Variants in CCSER1 observed in about 807,000 individuals in gnomAD.
CCSER1 encodes serine-rich coiled-coil domain-containing protein 1.
Under a neutral mutation model 82.0 loss-of-function variants are expected in CCSER1, and 41 were observed. That is an observed-to-expected ratio of 0.50 (90% CI 0.39 to 0.65). CCSER1 has a LOEUF of 0.65. Among genes scored for constraint, CCSER1 ranks in the 30% least tolerant of loss-of-function variants. The pLI is 0.00. For missense variants in CCSER1, 1,119 were observed against 1,064.2 expected (o/e 1.05, Z -0.72); for synonymous variants, 414 against 383.9 (o/e 1.08, Z -0.92).
At chr4:90,297,563 T>C (rs879511594) in intron 1 of CCSER1, among the ~76,000 whole-genome samples, 5 of 148,002 alleles carry the variant, frequency 3.4e-5, no homozygotes, top group Non-Finnish European at 7.5e-5. Context: ...GGCATCCCTG[T>C]CTTGTGCCAG....
At chr4:90,892,829 C>T (rs537937172) in intron 8 of CCSER1, among the ~76,000 whole-genome samples, 6 of 152,188 alleles carry the variant, frequency 3.9e-5, no homozygotes, top group East Asian at 3.9e-4. Context: ...GTGTTCTCTT[C>T]ACCTCCCATT....
Position 90,648,015 on chromosome 4 carries a change from G to A in CCSER1, c.1932+19783G>A, listed in dbSNP as rs545121582. Among the ~76,000 whole-genome samples the A allele has an allele frequency of 1.7e-3, 256 of 152,100 alleles. 1 individual carries two copies. Among genetic ancestry groups the A allele is most frequent in the African/African-American group, 5.9e-3 (247 of 41,528 alleles). The stretch of plus-strand genomic sequence containing the variant: ...ATAATTTATACGATATTTTAATTGT[G>A]CCTCCATTTCTTAAGGGAACTTTTT... On this transcript the variant is annotated intron_variant, in intron 6 of 10. Transcript: ENST00000509176.
At chr4:91,024,361 T>C (rs1279974477) in intron 9 of CCSER1, among the ~76,000 whole-genome samples, 1 of 152,210 alleles carries the variant, frequency 6.6e-6, no homozygotes, top group African/African-American at 2.4e-5. Flanking sequence ...ATGTTTTTGC[T>C]TTTAAATTTT....
chr4:90,604,271 C>T (rs1321081516), intron 5 of CCSER1, among the ~76,000 whole-genome samples: 1 of 152,058 alleles, frequency 6.6e-6, no homozygotes, highest in Non-Finnish European at 1.5e-5. Context: ...GGTAAACATC[C>T]TTGAGCCTCC....
At chr4:91,340,533 A>C (rs560002192) in intron 10 of CCSER1, among the ~76,000 whole-genome samples, 1 of 152,248 alleles carries the variant, frequency 6.6e-6, no homozygotes, top group South Asian at 2.1e-4. Context: ...TTGTTAAGTA[A>C]TTAAGTCTTA....
chr4:91,085,957 A>T lies in CCSER1; in HGVS notation c.2180A>T (p.Asn727Ile). 6.6e-7 allele frequency: 1 copy of T among 1,523,742 alleles called. No individual in the cohort carries two copies. 94.4% of individuals were successfully genotyped at this position (1,523,742 alleles called of 1,614,324 possible). A position where few individuals can be genotyped will look rare whatever the true frequency, so the allele number is the denominator to read the frequency against. Residue 727 changes from asparagine to isoleucine, a missense_variant, in exon 10 of 11, where the codon AAC (asparagine) becomes ATC (isoleucine). Asn to Ile is a moderately radical substitution (Grantham distance 149). Transcript: ENST00000509176. ...TTTGCTTTTCTTTTTCAGGGTTTAA[A>T]CTTGAAAAGACTAGAGACAGTACAA... is the stretch of plus-strand genomic sequence containing the variant. ...QTELLCYDGL[N>I]LKRLETVQGG...
At chr4:91,546,476 G>GT (rs1761894926) in intron 10 of CCSER1, among the ~76,000 whole-genome samples, 1 of 151,974 alleles carries the variant, frequency 6.6e-6, no homozygotes, top group African/African-American at 2.4e-5. Context: ...TTGACAAATT[G>GT]TTTTTCAATT....
intron 10 of CCSER1, among the ~76,000 whole-genome samples, chr4:91,215,871 T>A (rs1196693146): frequency 6.6e-6 from 1 of 152,114 alleles, no homozygotes. Flanking sequence ...AAAACAGGAT[T>A]TTTGTGTGTG....
chr4:91,525,772 G>A (rs116257827), intron 10 of CCSER1, among the ~76,000 whole-genome samples: 1,882 of 151,866 alleles, frequency 0.012, 35 homozygotes, highest in African/African-American at 0.043. Context: ...TCTCATATAC[G>A]TAGCCTCAAC....
chr4:90,654,921 G>C (rs1343450028), intron 6 of CCSER1, among the ~76,000 whole-genome samples: 1 of 151,960 alleles, frequency 6.6e-6, no homozygotes, highest in Non-Finnish European at 1.5e-5. Context: ...ATTGTCATCA[G>C]AAATTTTAAT....
chr4:91,070,667 G>C (rs1721330883), intron 9 of CCSER1, among the ~76,000 whole-genome samples: 1 of 152,106 alleles, frequency 6.6e-6, no homozygotes, highest in African/African-American at 2.4e-5. Context: ...AAGGGATCTT[G>C]GTTGGGCACT....
intron 10 of CCSER1, among the ~76,000 whole-genome samples, chr4:91,158,099 A>T (rs1463923340): frequency 2.0e-5 from 3 of 151,978 alleles, no homozygotes; most frequent in Admixed American, 1.3e-4. Flanking sequence ...GCTACATCAG[A>T]TGAAGTTTCA....
rs557328572 is a variant in CCSER1, at chr4:91,441,243, C to G, written c.2218-157329C>G. ...TCAATAAAATACTGGCAAACCGAAT[C>G]CAGCAGCACATCAAAAAGCTTATCC... is the stretch of plus-strand genomic sequence containing the variant. On this transcript the variant is annotated intron_variant, in intron 10 of 10. Transcript: ENST00000509176. Among the ~76,000 whole-genome samples the G allele has an allele frequency of 2.7e-3, 407 of 151,896 alleles. 1 individual carries two copies. The highest frequency in any genetic ancestry group is 9.3e-3 in the African/African-American group (387 of 41,490).
At chr4:91,421,023 G>C (rs1436744008) in intron 10 of CCSER1, among the ~76,000 whole-genome samples, 1 of 152,104 alleles carries the variant, frequency 6.6e-6, no homozygotes, top group Admixed American at 6.5e-5. Context: ...CAGAAGCAGA[G>C]CGTAGAATTG....
chr4:91,360,340 A>T (rs979224909), intron 10 of CCSER1, among the ~76,000 whole-genome samples: 1 of 151,918 alleles, frequency 6.6e-6, no homozygotes, highest in Non-Finnish European at 1.5e-5. Flanking sequence ...CTGTGTAGAC[A>T]TTAAGAGAGC....
In CCSER1 at chr4:91,598,825, C is replaced by G; in HGVS notation, c.2471C>G (p.Thr824Ser). 1 of 1,551,610 alleles carries G rather than the reference C, an allele frequency of 6.4e-7. No homozygotes were observed. Among genetic ancestry groups the G allele is most frequent in the South Asian group, 1.2e-5 (1 of 84,068 alleles). Residue 824 changes from threonine (T) to serine (S), a missense_variant, in exon 11 of 11, where the codon ACC (threonine) becomes AGC (serine). By Grantham distance (58) the Thr-to-Ser change is moderately conservative. Coordinates refer to ENST00000509176, the MANE Select transcript of CCSER1 (RefSeq NM_001145065.2). ...TSDVTQNLRA[T>S]VGQSSLKPTA... Reference sequence around the variant, plus strand: ...GACGTTACACAGAACTTACGGGCCACCGTTGGGCAGAGCTCTCTGAAGCCA... The same window carrying G: ...GACGTTACACAGAACTTACGGGCCAGCGTTGGGCAGAGCTCTCTGAAGCCA...
chr4:90,206,682 T>C (rs543540708), intron 1 of CCSER1, among the ~76,000 whole-genome samples: 42 of 149,948 alleles, frequency 2.8e-4, no homozygotes, highest in Non-Finnish European at 4.9e-4. Context: ...TGATTTGAGG[T>C]GGAGAGTTCT....
chr4:90,494,098 A>T (rs1458679630), intron 5 of CCSER1, among the ~76,000 whole-genome samples: 4 of 152,198 alleles, frequency 2.6e-5, no homozygotes, highest in Non-Finnish European at 5.9e-5. Context: ...AAACAAAAAA[A>T]GGCAGGGGTT....
intron 9 of CCSER1, among the ~76,000 whole-genome samples, chr4:90,993,316 T>A (rs1374680044): frequency 6.6e-6 from 1 of 152,082 alleles, no homozygotes; most frequent in East Asian, 1.9e-4. Flanking sequence ...AACCTGAGAT[T>A]GTGATTTAAT....
Sources: allele counts gnomAD v4.1 joint callset (sites outside exome capture counted in the v4.1 genomes callset), GRCh38; gene constraint gnomAD v4.1.1; transcripts MANE v1.5; gene names NCBI Gene and HGNC (gene_info 2026-07-23, HGNC 2026-07-21).